Variants in TRAF2 observed in about 807,000 individuals in gnomAD.
TRAF2 encodes the protein TNF receptor associated factor 2.
A neutral mutation model predicts 55.6 loss-of-function variants in TRAF2; 6 were observed. That is an observed-to-expected ratio of 0.11 (90% CI 0.06 to 0.21). The LOEUF is 0.21. TRAF2 is among the 10% of genes least tolerant of loss of function. The pLI is 1.00. For synonymous variants in TRAF2, 329 were observed against 276.3 expected, an observed-to-expected ratio of 1.19 and a Z score of -1.89; for missense variants, 561 against 684.5, an observed-to-expected ratio of 0.82 and a Z score of 2.01.
rs886995598 is a variant in TRAF2, at chr9:136,900,286, T to C, written c.268-136T>C. On this transcript the variant is annotated intron_variant, in intron 3 of 10. Transcript: ENST00000247668. ...CCAAAAATAAAAAGGAATCAGAGAGTCATCCTCTGCTCCTGGAGTGGCCTG... is the reference window on the plus strand; with the variant it reads ...CCAAAAATAAAAAGGAATCAGAGAGCCATCCTCTGCTCCTGGAGTGGCCTG... 60 of 560,268 alleles carry C rather than the reference T, an allele frequency of 1.1e-4. 1 individual carries two copies. The East Asian group carries it at 1.8e-3, about 17-fold the overall frequency. The allele number at this position is 560,268 out of a possible 1,614,324, so 34.7% of individuals were successfully genotyped here.
chr9:136,919,427 C>T (rs1025641548), intron 7 of TRAF2, among the ~76,000 whole-genome samples: 1 of 150,552 alleles, frequency 6.6e-6, no homozygotes, highest in Non-Finnish European at 1.5e-5. Flanking sequence ...TCCCAAGTAG[C>T]TGGGATTACA....
At chr9:136,922,075 G>A (rs903080021) in intron 9 of TRAF2, among the ~76,000 whole-genome samples, 3 of 152,234 alleles carry the variant, frequency 2.0e-5, no homozygotes, top group East Asian at 1.9e-4. Context: ...AATTTAGCCT[G>A]GCACTGCTCG....
In TRAF2 at chr9:136,890,084, C is replaced by T. The variant is rs1308856753; in HGVS notation, c.-29+3543C>T. Among the ~76,000 whole-genome samples the T allele has an allele frequency of 1.8e-4, 26 of 147,468 alleles. 1 individual carries two copies. The highest frequency in any genetic ancestry group is 5.6e-4 in the African/African-American group (22 of 39,526). The stretch of plus-strand genomic sequence containing the variant: ...GCCGGTCACCGCGTGTGTGAGTCCC[C>T]ACCGCACGCTTGTTCAGCCGGTCAC... On this transcript the variant is annotated intron_variant, in intron 1 of 10. Coordinates refer to ENST00000247668, the MANE Select transcript of TRAF2 (RefSeq NM_021138.4).
intron 1 of TRAF2, among the ~76,000 whole-genome samples, chr9:136,898,002 CA>C (rs1849724786): frequency 7.2e-6 from 1 of 139,308 alleles, no homozygotes; most frequent in Non-Finnish European, 1.5e-5. Flanking sequence ...GTGCACTAGC[CA>C]GCCTCAGATG....
chr9:136,909,768 C>T lies in TRAF2; in HGVS notation c.529-152C>T, dbSNP rs1055923566. The T allele has an allele frequency of 4.2e-4, 307 of 731,146 alleles. 2 individuals are homozygous for T. Among genetic ancestry groups the T allele is most frequent in the Admixed American group, 4.3e-4 (20 of 46,772 alleles). 45.3% of individuals were successfully genotyped at this position (731,146 alleles called of 1,614,324 possible). A position where few individuals can be genotyped will look rare whatever the true frequency, so the allele number is the denominator to read the frequency against. On this transcript the variant is annotated intron_variant, in intron 5 of 10. Coordinates refer to ENST00000247668, the MANE Select transcript of TRAF2 (RefSeq NM_021138.4). Reference sequence around the variant, plus strand: ...GCTCCTGGGTGGTGCTGGCAGGATCCTGCCCGGGAGGAGCACTGTCCTTCG... The same window carrying T: ...GCTCCTGGGTGGTGCTGGCAGGATCTTGCCCGGGAGGAGCACTGTCCTTCG...
At chr9:136,922,717 G>A (rs372949378) in intron 9 of TRAF2, among the ~76,000 whole-genome samples, 2 of 138,982 alleles carry the variant, frequency 1.4e-5, no homozygotes, top group African/African-American at 2.7e-5. Context: ...GCCTGGGCAC[G>A]TGGTGGAGGA....
At chr9:136,905,057 G>A (rs937556330) in intron 4 of TRAF2, among the ~76,000 whole-genome samples, 3 of 152,232 alleles carry the variant, frequency 2.0e-5, no homozygotes, top group Admixed American at 6.5e-5. Context: ...ATGGAAGCCA[G>A]CCCAAGTGCC....
chr9:136,911,264 C>CTTTTTTTTTTTTTTTTTTTTT (rs34077067), intron 6 of TRAF2, among the ~76,000 whole-genome samples: 6 of 122,546 alleles, frequency 4.9e-5, no homozygotes, highest in African/African-American at 1.6e-4. Flanking sequence ...TCCTTCCCGT[C>CTTTTTTTTTTTTTTTTTTTTT]TTTTTTTTTT....
chr9:136,898,732 A>G lies in TRAF2; in HGVS notation c.-9A>G, dbSNP rs200264510. On this transcript the variant is annotated 5_prime_UTR_variant, in exon 2 of 11. Coordinates refer to ENST00000247668, the MANE Select transcript of TRAF2 (RefSeq NM_021138.4). ...CCTTAGGGCTTTGTTCGCGGGGGTC[A>G]CAGCTCTCATGGCTGCAGCTAGCGT... 3.1e-6 allele frequency: 5 copies of G among 1,613,204 alleles called. No homozygotes were observed. The Admixed American group carries it at 6.7e-5, about 22-fold the overall frequency.
chr9:136,886,603 G>A, intron 1 of TRAF2, 62 bp downstream of exon 1: 9 of 976,154 alleles, frequency 9.2e-6, no homozygotes, highest in Non-Finnish European at 1.1e-5. Flanking sequence ...GTGCGGGGTC[G>A]GGCGCGGGGT....
chr9:136,922,682 T>A (rs1850418103), intron 9 of TRAF2, among the ~76,000 whole-genome samples: 1 of 70,390 alleles, frequency 1.4e-5, no homozygotes, highest in South Asian at 5.4e-4. Context: ...TGGGGGCGTG[T>A]GGAGGACAGG....
intron 9 of TRAF2, among the ~76,000 whole-genome samples, chr9:136,921,445 C>T (rs1389403344): frequency 6.6e-6 from 1 of 152,160 alleles, no homozygotes; most frequent in Non-Finnish European, 1.5e-5. Context: ...GCCGGCTGCC[C>T]TCCTGCCGTG....
intron 7 of TRAF2, 113 bp from the exon 8 acceptor site, chr9:136,920,121 T>A: frequency 7.4e-7 from 1 of 1,352,266 alleles, no homozygotes; most frequent in Non-Finnish European, 9.8e-7. Flanking sequence ...CATCCCTATC[T>A]ATGACCCTGG....
At chr9:136,913,025 T>C (rs1040172551) in intron 6 of TRAF2, among the ~76,000 whole-genome samples, 1 of 152,048 alleles carries the variant, frequency 6.6e-6, no homozygotes, top group Non-Finnish European at 1.5e-5. Flanking sequence ...TAATCCCAGC[T>C]ACTTGGGAAG....
At chr9:136,899,774 C>T (rs905078299) in intron 3 of TRAF2, 102 bp downstream of exon 3, 3 of 1,176,282 alleles carry the variant, frequency 2.6e-6, no homozygotes, top group African/African-American at 3.1e-5. Flanking sequence ...CCTGTAATCC[C>T]AGCACTTTGG....
intron 6 of TRAF2, among the ~76,000 whole-genome samples, chr9:136,914,106 G>C (rs973047711): frequency 2.6e-5 from 4 of 152,212 alleles, no homozygotes; most frequent in Non-Finnish European, 4.4e-5. Context: ...GCAGTGTTTA[G>C]TGTTTCCTGG....
intron 6 of TRAF2, among the ~76,000 whole-genome samples, chr9:136,913,367 G>T (rs913663020): frequency 6.4e-5 from 8 of 124,246 alleles, no homozygotes; most frequent in Non-Finnish European, 1.6e-5. Flanking sequence ...GCGCAATCTC[G>T]GTTCACTGCA....
At chr9:136,887,431 G>T (rs1364926371) in intron 1 of TRAF2, among the ~76,000 whole-genome samples, 1 of 152,178 alleles carries the variant, frequency 6.6e-6, no homozygotes. Flanking sequence ...TGGGTATTTT[G>T]GAGTTGTCAT....
chr9:136,882,486 G>A (rs150232053), upstream of TRAF2, among the ~76,000 whole-genome samples: 13 of 152,348 alleles, frequency 8.5e-5, no homozygotes, highest in Non-Finnish European at 1.6e-4. Context: ...ACGGAGCCCA[G>A]GACAGCAGCT....
Sources: gnomAD v4.1 joint callset for allele counts (sites outside exome capture counted in the v4.1 genomes callset) on GRCh38, gnomAD v4.1.1 for gene constraint, MANE v1.5 for transcripts, NCBI Gene and HGNC (gene_info 2026-07-23, HGNC 2026-07-21) for gene names.